FAAH2: variants seen among roughly 807,000 people sequenced by gnomAD.
FAAH2 encodes fatty acid amide hydrolase 2.
In FAAH2, 60 loss-of-function variants were observed where a neutral mutation model predicts 36.9. The observed-to-expected ratio is 1.63, with a 90% CI of 1.32 to 2.02. The LOEUF is 2.02. Among genes scored for constraint, FAAH2 ranks in the 30% most tolerant of loss-of-function variants. The probability of loss-of-function intolerance (pLI) is 0.00; values close to 1 mark genes in which losing one functional copy is unlikely to be tolerated. For missense variants in FAAH2, 689 were observed against 397.5 expected, an observed-to-expected ratio of 1.73 and a Z score of -6.23; for synonymous variants, 214 against 143.8, an observed-to-expected ratio of 1.49 and a Z score of -3.49.
At chrX:57,461,455 C>T (rs2056956828) in intron 10 of FAAH2, among the ~76,000 whole-genome samples, 1 of 111,982 alleles carries the variant, frequency 8.9e-6, no homozygotes. Flanking sequence ...CAAAGTCTCA[C>T]AGAACACAGT....
the FAAH2 span, among the ~76,000 whole-genome samples, chrX:57,244,698 C>T: frequency 9.0e-6 from 1 of 111,632 alleles, no homozygotes; most frequent in Non-Finnish European, 1.9e-5. Flanking sequence ...TTCTCACCAC[C>T]AGGCCTGCCT....
intron 3 of FAAH2, among the ~76,000 whole-genome samples, chrX:57,321,522 A>G (rs1294872257): frequency 9.1e-6 from 1 of 109,980 alleles, no homozygotes; most frequent in Admixed American, 9.7e-5. Flanking sequence ...ATTGAAAACT[A>G]TTTTTCAATT....
the FAAH2 span, among the ~76,000 whole-genome samples, chrX:57,196,070 T>C: frequency 8.9e-6 from 1 of 112,014 alleles, no homozygotes; most frequent in Non-Finnish European, 1.9e-5. Context: ...ATAGTCTTGA[T>C]TAGGCTATGT....
chrX:57,458,801 TC>T (rs2056907829), intron 10 of FAAH2, among the ~76,000 whole-genome samples: 1 of 112,031 alleles, frequency 8.9e-6, no homozygotes. Context: ...TACTATGCTT[TC>T]CCCACAGGTT....
chrX:57,437,780 AT>A (rs1418314394), intron 8 of FAAH2, among the ~76,000 whole-genome samples: 1 of 102,411 alleles, frequency 9.8e-6, no homozygotes, highest in African/African-American at 3.5e-5. Context: ...ATAATTATAT[AT>A]TATATATTAA....
chrX:57,264,253 C>A, the FAAH2 span, among the ~76,000 whole-genome samples: 28 of 111,672 alleles, frequency 2.5e-4, no homozygotes, highest in African/African-American at 9.1e-4. Flanking sequence ...GTTTTGTGAA[C>A]AAATCTGTAA....
intron 8 of FAAH2, among the ~76,000 whole-genome samples, chrX:57,439,185 C>T (rs1303304601): frequency 9.1e-6 from 1 of 109,710 alleles, no homozygotes; most frequent in Non-Finnish European, 1.9e-5. Flanking sequence ...ACACTGACTT[C>T]CACAATGGTT....
intron 10 of FAAH2, among the ~76,000 whole-genome samples, chrX:57,455,988 C>T (rs1166904849): frequency 8.9e-6 from 1 of 111,737 alleles, no homozygotes; most frequent in African/African-American, 3.3e-5. Flanking sequence ...CACACAACAA[C>T]CACAGAATAT....
chrX:57,389,269 C>T (rs1001722482), intron 7 of FAAH2, among the ~76,000 whole-genome samples: 4 of 60,377 alleles, frequency 6.6e-5, no homozygotes, highest in African/African-American at 2.1e-4. Flanking sequence ...CACGCACACA[C>T]ACACACACCT....
At chrX:57,389,295 T>C (rs913602126) in intron 7 of FAAH2, among the ~76,000 whole-genome samples, 2 of 99,585 alleles carry the variant, frequency 2.0e-5, no homozygotes, top group African/African-American at 3.6e-5. Context: ...CACACACACA[T>C]ATATATATAT....
intron 10 of FAAH2, among the ~76,000 whole-genome samples, chrX:57,455,371 A>G (rs1256580440): frequency 9.0e-6 from 1 of 111,420 alleles, no homozygotes; most frequent in African/African-American, 3.3e-5. Flanking sequence ...TGGCCCATAA[A>G]CAATATAAAG....
the FAAH2 span, among the ~76,000 whole-genome samples, chrX:57,236,116 T>A: frequency 1.8e-5 from 2 of 112,221 alleles, no homozygotes; most frequent in African/African-American, 6.5e-5. Flanking sequence ...TGTGCCTCGC[T>A]TATTTTCCTT....
At chrX:57,275,595 G>T in the FAAH2 span, among the ~76,000 whole-genome samples, 1 of 112,257 alleles carries the variant, frequency 8.9e-6, no homozygotes, top group East Asian at 2.8e-4. Flanking sequence ...AAATGTAAAT[G>T]GGCTTAAAGC....
the FAAH2 span, among the ~76,000 whole-genome samples, chrX:57,269,902 C>G: frequency 5.5e-5 from 6 of 109,250 alleles, no homozygotes; most frequent in East Asian, 1.4e-3. Context: ...GATAAAGGCA[C>G]AAAAAAACAT....
chrX:57,312,347 GAAAC>G (rs1310499533), intron 3 of FAAH2, among the ~76,000 whole-genome samples: 14 of 111,901 alleles, frequency 1.3e-4, no homozygotes, highest in Admixed American at 1.0e-3. Context: ...GTGCACCTGT[GAAAC>G]CAAGTGCAAG....
intron 3 of FAAH2, among the ~76,000 whole-genome samples, chrX:57,315,919 G>T (rs1422655214): frequency 9.0e-6 from 1 of 111,338 alleles, no homozygotes; most frequent in Non-Finnish European, 1.9e-5. Context: ...GAGCAGTCAG[G>T]CAAGAGAAAG....
intron 7 of FAAH2, among the ~76,000 whole-genome samples, chrX:57,400,232 G>T (rs890268985): frequency 8.1e-5 from 9 of 111,757 alleles, no homozygotes; most frequent in African/African-American, 2.9e-4. Context: ...TTCACATCAC[G>T]AGATGTCCAC....
intron 4 of FAAH2, among the ~76,000 whole-genome samples, chrX:57,337,019 G>T (rs1006170896): frequency 9.1e-6 from 1 of 109,515 alleles, no homozygotes; most frequent in African/African-American, 3.3e-5. Flanking sequence ...TAATAAAGAA[G>T]AAAAGAGAGA....
intron 10 of FAAH2, among the ~76,000 whole-genome samples, chrX:57,484,165 G>T (rs1451495193): frequency 9.0e-6 from 1 of 110,647 alleles, no homozygotes; most frequent in Admixed American, 9.7e-5. Flanking sequence ...TAGCACTTAA[G>T]GGTAAGACAC....
Sources: allele counts gnomAD v4.1 joint callset (sites outside exome capture counted in the v4.1 genomes callset), GRCh38; gene constraint gnomAD v4.1.1; transcripts MANE v1.5; gene names NCBI Gene and HGNC (gene_info 2026-07-23, HGNC 2026-07-21).